SFTPD: variants seen among roughly 807,000 people sequenced by gnomAD.
SFTPD encodes the protein pulmonary surfactant-associated protein D.
Under a neutral mutation model 34.6 loss-of-function variants are expected in SFTPD, and 18 were observed. The ratio of observed to expected loss-of-function variants is 0.52; its 90% CI spans 0.36 to 0.77. The LOEUF is 0.77. Among genes scored for constraint, SFTPD ranks in the 30% least tolerant of loss-of-function variants. SFTPD has a pLI of 0.00. For synonymous variants in SFTPD, 155 were observed against 180.9 expected (o/e 0.86, Z 1.15); for missense variants, 433 against 468.9 (o/e 0.92, Z 0.71).
intron 1 of SFTPD, among the ~76,000 whole-genome samples, chr10:79,979,705 A>G (rs552347700): frequency 6.6e-6 from 1 of 152,298 alleles, no homozygotes; most frequent in East Asian, 1.9e-4. Context: ...TAAACTTGAA[A>G]GGCAGTCTAG....
chr10:79,965,451 G>A (rs1842797912), intron 1 of SFTPD, among the ~76,000 whole-genome samples: 1 of 150,340 alleles, frequency 6.7e-6, no homozygotes, highest in African/African-American at 2.5e-5. Flanking sequence ...GCTCGAAGCA[G>A]CCCTGAGAAA....
At chr10:79,964,883 G>T (rs1430165292) in intron 1 of SFTPD, among the ~76,000 whole-genome samples, 1 of 152,144 alleles carries the variant, frequency 6.6e-6, no homozygotes, top group Non-Finnish European at 1.5e-5. Context: ...TTCCCACAGG[G>T]TCTGAGAAGG....
At chr10:79,957,664 C>A (rs1431200666) in intron 1 of SFTPD, among the ~76,000 whole-genome samples, 4 of 152,208 alleles carry the variant, frequency 2.6e-5, no homozygotes, top group Non-Finnish European at 1.5e-5. Context: ...AAGACCAAAT[C>A]TATGTCTGAT....
chr10:79,969,749 T>G (rs1842825387), intron 1 of SFTPD: 1 of 152,172 alleles, frequency 6.6e-6, no homozygotes, highest in African/African-American at 2.4e-5. Flanking sequence ...CAGCCTATTG[T>G]TTTCTGGTTA....
chr10:79,958,383 A>G (rs1310614163), intron 1 of SFTPD, among the ~76,000 whole-genome samples: 1 of 152,204 alleles, frequency 6.6e-6, no homozygotes, highest in Non-Finnish European at 1.5e-5. Flanking sequence ...AAGACCCATC[A>G]GTGTGCTGTA....
chr10:79,971,826 T>G (rs1276143750), intron 1 of SFTPD: 1 of 152,204 alleles, frequency 6.6e-6, no homozygotes, highest in Non-Finnish European at 1.5e-5. Context: ...TTGACCGTTT[T>G]GGGTTGAATC....
intron 1 of SFTPD, chr10:79,969,867 T>C (rs945818076): frequency 1.3e-5 from 2 of 152,212 alleles, no homozygotes; most frequent in African/African-American, 4.8e-5. Flanking sequence ...TTCTTTGTTA[T>C]ACAGAAGGCT....
At chr10:79,975,465 G>A (rs936676757) in intron 1 of SFTPD, among the ~76,000 whole-genome samples, 5 of 152,062 alleles carry the variant, frequency 3.3e-5, no homozygotes, top group Non-Finnish European at 5.9e-5. Context: ...TACTCACCAC[G>A]GGGATTGCTT....
intron 2 of SFTPD, among the ~76,000 whole-genome samples, chr10:79,944,796 G>A (rs138261080): frequency 1.3e-5 from 2 of 152,112 alleles, no homozygotes; most frequent in African/African-American, 2.4e-5. Context: ...TCCATGATAC[G>A]TCGGGGATGT....
intron 1 of SFTPD, among the ~76,000 whole-genome samples, chr10:79,967,915 C>T (rs1842811943): frequency 2.6e-5 from 4 of 151,242 alleles, no homozygotes; most frequent in African/African-American, 9.7e-5. Context: ...CTGTAATTTT[C>T]CACTACCTAC....
intron 1 of SFTPD, among the ~76,000 whole-genome samples, chr10:79,967,476 A>C (rs1004923901): frequency 3.0e-5 from 4 of 133,578 alleles, no homozygotes; most frequent in African/African-American, 1.2e-4. Flanking sequence ...TGGAACCAAA[A>C]AAGAGCCCGC....
At chr10:79,965,234 T>C (rs1411070149) in intron 1 of SFTPD, among the ~76,000 whole-genome samples, 1 of 152,200 alleles carries the variant, frequency 6.6e-6, no homozygotes, top group East Asian at 1.9e-4. Flanking sequence ...TTCTTAGTCC[T>C]TTAATACCTG....
intron 1 of SFTPD, among the ~76,000 whole-genome samples, chr10:79,967,769 A>C (rs1305484438): frequency 6.6e-6 from 1 of 151,916 alleles, no homozygotes; most frequent in Non-Finnish European, 1.5e-5. Flanking sequence ...GAAGAATCAC[A>C]AAAGAAGTGA....
At chr10:79,981,921 G>A (rs1842893004) in intron 1 of SFTPD, 4 of 291,934 alleles carry the variant, frequency 1.4e-5, no homozygotes, top group South Asian at 3.0e-5. Flanking sequence ...AGGTGTGCCC[G>A]CAGCCGAGAC....
chr10:79,964,924 A>G (rs182742091), intron 1 of SFTPD, among the ~76,000 whole-genome samples: 1 of 152,274 alleles, frequency 6.6e-6, no homozygotes, highest in African/African-American at 2.4e-5. Context: ...CTTCTGTCAG[A>G]CATAATTCCT....
intron 1 of SFTPD, among the ~76,000 whole-genome samples, chr10:79,979,646 A>G (rs1487334610): frequency 6.6e-6 from 1 of 152,220 alleles, no homozygotes; most frequent in Non-Finnish European, 1.5e-5. Context: ...CAGGGGTCAG[A>G]ATCTGGATAG....
chr10:79,958,821 C>T (rs1259212516), intron 1 of SFTPD, among the ~76,000 whole-genome samples: 2 of 152,104 alleles, frequency 1.3e-5, no homozygotes, highest in Non-Finnish European at 2.9e-5. Flanking sequence ...AACTCTCCAC[C>T]CCAAATCAAC....
chr10:79,939,475 A>G (rs1425936357), intron 7 of SFTPD, among the ~76,000 whole-genome samples: 1 of 152,226 alleles, frequency 6.6e-6, no homozygotes, highest in African/African-American at 2.4e-5. Context: ...CATCTACCCA[A>G]AGGTACGTGG....
chr10:79,946,410 G>T, intron 2 of SFTPD, 51 bp downstream of exon 2: 1 of 1,382,198 alleles, frequency 7.2e-7, no homozygotes, highest in Non-Finnish European at 1.0e-6. Context: ...GCTAGTTACA[G>T]TTCCAATGAC....
Sources: allele counts gnomAD v4.1 joint callset (sites outside exome capture counted in the v4.1 genomes callset), GRCh38; gene constraint gnomAD v4.1.1; transcripts MANE v1.5; gene names NCBI Gene and HGNC (gene_info 2026-07-23, HGNC 2026-07-21).